LRMDA: variants seen among roughly 807,000 people sequenced by gnomAD.
The protein encoded by LRMDA is leucine rich melanocyte differentiation associated.
LRMDA carries 18 observed loss-of-function variants against 29.8 expected under a neutral mutation model. The ratio of observed to expected loss-of-function variants is 0.60; its 90% CI spans 0.42 to 0.90. The LOEUF (loss-of-function observed/expected upper bound fraction) is 0.90, where lower values mean the gene tolerates loss of function less well. Ranked by LOEUF, LRMDA falls within the 40% of genes least tolerant of loss-of-function variation. LRMDA has a pLI of 0.00. For synonymous variants in LRMDA, 125 were observed against 109.4 expected (o/e 1.14, Z -0.89); for missense variants, 273 against 273.9 (o/e 1.00, Z 0.02).
chr10:75,617,150 ACC>A, intron 2 of LRMDA, among the ~76,000 whole-genome samples: 1 of 152,132 alleles, frequency 6.6e-6, no homozygotes, highest in Admixed American at 6.5e-5. Flanking sequence ...AACTGTAGTC[ACC>A]TCCAAGGCGT....
chr10:76,021,826 G>C (rs970756772), intron 2 of LRMDA, among the ~76,000 whole-genome samples: 1 of 152,200 alleles, frequency 6.6e-6, no homozygotes, highest in Non-Finnish European at 1.5e-5. Flanking sequence ...GTTTAGTAAT[G>C]AGTGACTTTC....
intron 6 of LRMDA, among the ~76,000 whole-genome samples, chr10:76,510,741 A>G (rs1179321486): frequency 2.6e-5 from 4 of 152,206 alleles, no homozygotes; most frequent in Non-Finnish European, 5.9e-5. Flanking sequence ...GAGGTCTTCC[A>G]GAGCCTGTGA....
chr10:75,980,064 C>T (rs1589275270), intron 2 of LRMDA, among the ~76,000 whole-genome samples: 1 of 152,086 alleles, frequency 6.6e-6, no homozygotes, highest in African/African-American at 2.4e-5. Context: ...CAGCAACTTC[C>T]CAGATACCCA....
intron 5 of LRMDA, among the ~76,000 whole-genome samples, chr10:76,125,362 T>C (rs1012678711): frequency 6.6e-6 from 1 of 152,228 alleles, no homozygotes; most frequent in Non-Finnish European, 1.5e-5. Flanking sequence ...CACAACACTT[T>C]GAAATGAGGT....
intron 4 of LRMDA, 21 bp downstream of exon 4, chr10:76,047,324 C>T: frequency 6.3e-7 from 1 of 1,584,808 alleles, no homozygotes; most frequent in Non-Finnish European, 8.6e-7. Context: ...AGGGGTTGGA[C>T]CATGGTGGGA....
chr10:75,488,815 G>T (rs964372530), intron 2 of LRMDA, among the ~76,000 whole-genome samples: 20 of 152,168 alleles, frequency 1.3e-4, no homozygotes, highest in Admixed American at 3.9e-4. Flanking sequence ...GAGAGGCACT[G>T]GGTGGGGATG....
intron 2 of LRMDA, among the ~76,000 whole-genome samples, chr10:75,501,533 T>C (rs1845113480): frequency 6.6e-6 from 1 of 152,218 alleles, no homozygotes. Flanking sequence ...TGAGGTCATC[T>C]TGTGAATGTT....
intron 2 of LRMDA, among the ~76,000 whole-genome samples, chr10:75,467,956 TCACA>T (rs61295526): frequency 0.021 from 2,735 of 130,002 alleles, 41 homozygotes; most frequent in African/African-American, 0.045. Context: ...TGAGACTCCG[TCACA>T]CACACACACA....
intron 2 of LRMDA, among the ~76,000 whole-genome samples, chr10:75,820,533 T>C (rs1844139710): frequency 6.6e-6 from 1 of 152,166 alleles, no homozygotes; most frequent in Admixed American, 6.5e-5. Context: ...TTTTAAAGGA[T>C]TAAATGCCTG....
At chr10:76,304,098 G>A (rs1212683601) in intron 5 of LRMDA, among the ~76,000 whole-genome samples, 1 of 152,100 alleles carries the variant, frequency 6.6e-6, no homozygotes, top group Non-Finnish European at 1.5e-5. Context: ...CACTCCTGGG[G>A]GCTTCATTTG....
intron 2 of LRMDA, among the ~76,000 whole-genome samples, chr10:75,745,282 G>C (rs145068757): frequency 6.6e-6 from 1 of 151,354 alleles, no homozygotes; most frequent in Admixed American, 6.6e-5. Context: ...CTCTCTCTCC[G>C]TGTGTGTGTA....
rs1366416321 is a variant in LRMDA, at chr10:76,468,843, C to G, written c.602-88366C>G. Among the ~76,000 whole-genome samples the G allele has an allele frequency of 4.6e-5, 7 of 152,092 alleles. No individual in the cohort carries two copies. In the South Asian group the frequency reaches 1.0e-3, roughly 23 times the overall value. ...TCCCTTTGCTCATCAACAGAAACCT[C>G]AAGGCACTAAAACATTAAGAGGCAT... is the stretch of plus-strand genomic sequence containing the variant. On this transcript the variant is annotated intron_variant, in intron 6 of 6. Transcript: ENST00000611255.
intron 2 of LRMDA, among the ~76,000 whole-genome samples, chr10:76,032,866 T>C (rs1297922066): frequency 6.6e-6 from 1 of 152,176 alleles, no homozygotes; most frequent in Non-Finnish European, 1.5e-5. Context: ...GATGCTGGAC[T>C]GACAGTTGGC....
At chr10:75,449,578 G>T (rs1007133917) in intron 2 of LRMDA, among the ~76,000 whole-genome samples, 4 of 151,686 alleles carry the variant, frequency 2.6e-5, no homozygotes, top group African/African-American at 9.7e-5. Flanking sequence ...CTATACCAGG[G>T]TCTGAGTAGA....
intron 2 of LRMDA, among the ~76,000 whole-genome samples, chr10:75,871,866 G>T (rs1268453784): frequency 6.6e-6 from 1 of 152,174 alleles, no homozygotes; most frequent in African/African-American, 2.4e-5. Context: ...CAGAGATTGT[G>T]TCTTATTCAT....
intron 2 of LRMDA, among the ~76,000 whole-genome samples, chr10:75,529,149 A>T (rs1332668086): frequency 1.3e-5 from 2 of 152,194 alleles, no homozygotes; most frequent in East Asian, 1.9e-4. Context: ...GAAAGATTCC[A>T]CTAAATGTCT....
At chr10:75,961,352 A>C (rs928165177) in intron 2 of LRMDA, among the ~76,000 whole-genome samples, 1 of 152,222 alleles carries the variant, frequency 6.6e-6, no homozygotes, top group Admixed American at 6.5e-5. Context: ...ACTACCTAAT[A>C]TTCTCGTAGC....
At chr10:76,300,839 C>T (rs557184210) in intron 5 of LRMDA, among the ~76,000 whole-genome samples, 1 of 152,316 alleles carries the variant, frequency 6.6e-6, no homozygotes, top group East Asian at 1.9e-4. Context: ...AATCCAGGCA[C>T]TTGGTTTCCC....
chr10:76,553,851 C>T (rs915753618), intron 6 of LRMDA, among the ~76,000 whole-genome samples: 1 of 152,066 alleles, frequency 6.6e-6, no homozygotes, highest in South Asian at 2.1e-4. Flanking sequence ...TCTCCCCGGG[C>T]GAGCACCAGC....
Sources: allele counts gnomAD v4.1 joint callset (sites outside exome capture counted in the v4.1 genomes callset), GRCh38; gene constraint gnomAD v4.1.1; transcripts MANE v1.5; gene names NCBI Gene and HGNC (gene_info 2026-07-23, HGNC 2026-07-21).